Variants in ATP10A observed in about 807,000 individuals in gnomAD.
ATP10A encodes the protein ATPase phospholipid transporting 10A (putative).
A neutral mutation model predicts 147.8 loss-of-function variants in ATP10A; 111 were observed. The ratio of observed to expected loss-of-function variants is 0.75; its 90% confidence interval spans 0.64 to 0.88. The LOEUF (loss-of-function observed/expected upper bound fraction) is 0.88, where lower values mean the gene tolerates loss of function less well. ATP10A is among the 40% of genes least tolerant of loss of function. The pLI is 0.00. For synonymous variants in ATP10A, 875 were observed against 841.6 expected (o/e 1.04, Z -0.69); for missense variants, 1,927 against 1,959.0 (o/e 0.98, Z 0.31).
intron 2 of ATP10A, among the ~76,000 whole-genome samples, chr15:25,750,731 GATGATGATGAC>G (rs1888113350): frequency 9.7e-6 from 1 of 102,626 alleles, no homozygotes; most frequent in Non-Finnish European, 2.4e-5. Context: ...TGATGATGAT[GATGATGATGAC>G]AGTACAAAGT....
At chr15:25,812,778 G>C (rs1562119) in intron 1 of ATP10A, among the ~76,000 whole-genome samples, 31,568 of 152,176 alleles carry the variant, frequency 0.21, 3,557 homozygotes, top group Middle Eastern at 0.3. Context: ...CTCTGAGTGG[G>C]ATTGTTAGAA....
At chr15:25,685,949 G>C (rs539812306) in intron 16 of ATP10A, among the ~76,000 whole-genome samples, 1 of 152,250 alleles carries the variant, frequency 6.6e-6, no homozygotes, top group South Asian at 2.1e-4. Flanking sequence ...ACTCCTTCGG[G>C]AGCTGAGAAC....
chr15:25,805,091 C>T (rs1272703792), intron 1 of ATP10A, among the ~76,000 whole-genome samples: 3 of 152,204 alleles, frequency 2.0e-5, no homozygotes, highest in Non-Finnish European at 2.9e-5. Flanking sequence ...GGCATTCTTC[C>T]AGGAGAAGCC....
chr15:25,837,134 A>G (rs1370864446), intron 1 of ATP10A, among the ~76,000 whole-genome samples: 2 of 152,126 alleles, frequency 1.3e-5, no homozygotes, highest in African/African-American at 4.8e-5. Flanking sequence ...AATTTCCGGT[A>G]TATAATACAA....
intron 15 of ATP10A, among the ~76,000 whole-genome samples, chr15:25,688,284 G>C (rs1181320438): frequency 3.9e-5 from 6 of 152,200 alleles, no homozygotes; most frequent in African/African-American, 1.4e-4. Flanking sequence ...TGTCCTGGGA[G>C]GTGCATTTTG....
At chr15:25,722,713 G>T (rs968330120) in intron 6 of ATP10A, among the ~76,000 whole-genome samples, 5 of 152,178 alleles carry the variant, frequency 3.3e-5, no homozygotes, top group African/African-American at 1.2e-4. Context: ...ACTGTTTCCT[G>T]TTGTATGAAG....
At chr15:25,704,455 C>G (rs1900856616) in intron 12 of ATP10A, among the ~76,000 whole-genome samples, 1 of 152,190 alleles carries the variant, frequency 6.6e-6, no homozygotes, top group Admixed American at 6.5e-5. Flanking sequence ...AGTCAAATGT[C>G]TGCCAAGAAA....
chr15:25,726,216 T>TTTAAAA (rs1180988131), intron 4 of ATP10A, 134 bp from the exon 5 acceptor site: 1 of 974,328 alleles, frequency 1.0e-6, no homozygotes, highest in Non-Finnish European at 1.5e-6. Context: ...AAAAGCAGGG[T>TTTAAAA]TTAAAATTAA....
chr15:25,775,901 C>T (rs1410346672), intron 2 of ATP10A, among the ~76,000 whole-genome samples: 2 of 152,250 alleles, frequency 1.3e-5, no homozygotes, highest in Admixed American at 6.5e-5. Flanking sequence ...TTCCAACACT[C>T]ATCTGACATT....
chr15:25,831,311 T>C (rs12101499), intron 1 of ATP10A, among the ~76,000 whole-genome samples: 31,703 of 152,174 alleles, frequency 0.21, 3,359 homozygotes, highest in South Asian at 0.24. Context: ...ATGGGCTCTG[T>C]GTGTTTGTGC....
At chr15:25,864,190 G>A (rs1893898591), upstream of ATP10A, among the ~76,000 whole-genome samples, 1 of 152,092 alleles carries the variant, frequency 6.6e-6, no homozygotes, top group African/African-American at 2.4e-5. Flanking sequence ...AGAAGTGTGG[G>A]GCGAAGGGCT....
chr15:25,799,842 T>A (rs1232122939), intron 1 of ATP10A, among the ~76,000 whole-genome samples: 1 of 152,224 alleles, frequency 6.6e-6, no homozygotes, highest in Non-Finnish European at 1.5e-5. Flanking sequence ...GAAGTATTTA[T>A]CAACTGGTAC....
At chr15:25,705,624 C>G (rs567587148) in intron 12 of ATP10A, among the ~76,000 whole-genome samples, 1 of 152,170 alleles carries the variant, frequency 6.6e-6, no homozygotes, top group Admixed American at 6.5e-5. Flanking sequence ...TACTCTCCAG[C>G]TCAGGCCTCG....
In ATP10A at chr15:25,701,910, A is replaced by C. The variant is rs748232889; in HGVS notation, c.2760+6T>G. On this transcript the variant is annotated splice_donor_region_variant and intron_variant, in intron 13 of 20. Coordinates refer to ENST00000555815, the MANE Select transcript of ATP10A (RefSeq NM_024490.4). ...AAGGAAGCGGAGCCACTTGAAACCCACCTACCTGGGAGGTGGCATTCAGGG... is the reference window on the plus strand; with the variant it reads ...AAGGAAGCGGAGCCACTTGAAACCCCCCTACCTGGGAGGTGGCATTCAGGG... 2 of 1,590,814 alleles carry C rather than the reference A, an allele frequency of 1.3e-6. No individual in the cohort carries two copies. The highest frequency in any genetic ancestry group is 2.3e-5 in the South Asian group (2 of 87,848).
Position 25,823,852 on chromosome 15 carries a change from T to C in ATP10A, c.449+38796A>G, listed in dbSNP as rs181817588. On this transcript the variant is annotated intron_variant, in intron 1 of 20. Transcript: ENST00000555815. Reference sequence around the variant, plus strand: ...ATTTAAAATAAAATAGCTACTTACTTTCCTATGCACGAGGGGTTGGCAAAC... The same window carrying C: ...ATTTAAAATAAAATAGCTACTTACTCTCCTATGCACGAGGGGTTGGCAAAC... Among the ~76,000 whole-genome samples, 11 of 152,350 alleles carry C rather than the reference T, an allele frequency of 7.2e-5. No homozygotes were observed. In the East Asian group the frequency reaches 2.1e-3, roughly 29 times the overall value.
intron 2 of ATP10A, among the ~76,000 whole-genome samples, chr15:25,753,306 C>T (rs538125695): frequency 6.6e-6 from 1 of 152,138 alleles, no homozygotes. Flanking sequence ...AGTATGATTG[C>T]TTTGCATTCC....
rs1222457345 is a variant in ATP10A at position 25,718,346 on chromosome 15, G to T, written c.1417C>A (p.Pro473Thr). ...EADSEEEEVV[P>T]RGGSVSQRGS... Reference sequence around the variant, plus strand: ...CGCTGGGACACCGAGCCCCCTCTGGGCACCACCTCCTCCTCCTCCGAGTCT... The same window carrying T: ...CGCTGGGACACCGAGCCCCCTCTGGTCACCACCTCCTCCTCCTCCGAGTCT... Residue 473 changes from proline to threonine, a missense_variant, in exon 8 of 21, where the codon CCC becomes ACC. Physicochemically the swap from Pro to Thr is conservative, Grantham distance 38. Coordinates refer to ENST00000555815, the MANE Select transcript of ATP10A (RefSeq NM_024490.4). The T allele has an allele frequency of 1.9e-6, 3 of 1,610,120 alleles. No homozygotes were observed. The highest frequency in any genetic ancestry group is 2.2e-5 in the East Asian group (1 of 44,822).
chr15:25,862,154 C>T, intron 1 of ATP10A: 1 of 416,108 alleles, frequency 2.4e-6, no homozygotes, highest in Admixed American at 2.5e-5. Context: ...CCGTGCCAGA[C>T]ATATCAGCAC....
intron 13 of ATP10A, among the ~76,000 whole-genome samples, chr15:25,701,445 G>T (rs1476449807): frequency 1.3e-5 from 2 of 152,200 alleles, no homozygotes; most frequent in African/African-American, 4.8e-5. Context: ...GGCGCAAGAA[G>T]TTTTGAGTGG....
Sources: gnomAD v4.1 joint callset for allele counts (sites outside exome capture counted in the v4.1 genomes callset) on GRCh38, gnomAD v4.1.1 for gene constraint, MANE v1.5 for transcripts, NCBI Gene and HGNC (gene_info 2026-07-23, HGNC 2026-07-21) for gene names.